The following STK33 variants were observed in gnomAD, a reference collection of about 807,000 sequenced individuals.
STK33 encodes serine/threonine kinase 33, also known as serine/threonine-protein kinase 33.
A neutral mutation model predicts 58.0 loss-of-function variants in STK33; 52 were observed. The observed-to-expected ratio is 0.90, with a 90% CI of 0.72 to 1.13. The LOEUF is 1.13. Among genes scored for constraint, STK33 ranks in the 50% most tolerant of loss-of-function variants. The probability of loss-of-function intolerance (pLI) is 0.00; values close to 1 mark genes in which losing one functional copy is unlikely to be tolerated. For synonymous variants in STK33, 215 were observed against 200.1 expected, an observed-to-expected ratio of 1.07 and a Z score of -0.63; for missense variants, 630 against 604.2, an observed-to-expected ratio of 1.04 and a Z score of -0.45.
intron 1 of STK33, among the ~76,000 whole-genome samples, chr11:8,560,528 C>A (rs1460841040): frequency 6.6e-6 from 1 of 152,048 alleles, no homozygotes; most frequent in African/African-American, 2.4e-5. Flanking sequence ...TGATTCTTAT[C>A]ATGGTGATTT....
chr11:8,591,889 T>C (rs980301478), intron 1 of STK33, among the ~76,000 whole-genome samples: 1 of 151,782 alleles, frequency 6.6e-6, no homozygotes, highest in Non-Finnish European at 1.5e-5. Context: ...TAATGCTAAA[T>C]GACGAGTTAA....
intron 1 of STK33, among the ~76,000 whole-genome samples, chr11:8,574,199 C>A (rs1565398613): frequency 2.0e-5 from 3 of 152,256 alleles, no homozygotes; most frequent in South Asian, 4.1e-4. Context: ...TACACGCATA[C>A]ACAAATGAGT....
chr11:8,565,053 C>T (rs984186957), intron 1 of STK33, among the ~76,000 whole-genome samples: 4 of 152,098 alleles, frequency 2.6e-5, no homozygotes, highest in Non-Finnish European at 4.4e-5. Context: ...CCTATTATGA[C>T]TCTAGAAAGC....
chr11:8,444,818 A>G (rs1242855204), intron 11 of STK33, among the ~76,000 whole-genome samples: 1 of 152,180 alleles, frequency 6.6e-6, no homozygotes, highest in Admixed American at 6.5e-5. Flanking sequence ...GCAGAACCAA[A>G]AAATTTAAGA....
chr11:8,423,691 T>C (rs1412234785), intron 14 of STK33, among the ~76,000 whole-genome samples: 2 of 152,088 alleles, frequency 1.3e-5, no homozygotes, highest in Non-Finnish European at 2.9e-5. Flanking sequence ...CATTCTCTAA[T>C]TAGAGAACTG....
At chr11:8,510,201 C>A (rs1374856343) in intron 1 of STK33, among the ~76,000 whole-genome samples, 1 of 152,012 alleles carries the variant, frequency 6.6e-6, no homozygotes, top group Non-Finnish European at 1.5e-5. Flanking sequence ...GGCATTCTTG[C>A]AGGAGTAAGG....
chr11:8,398,080 G>C (rs1164805234), intron 15 of STK33, among the ~76,000 whole-genome samples: 1 of 152,130 alleles, frequency 6.6e-6, no homozygotes, highest in Non-Finnish European at 1.5e-5. Flanking sequence ...AGCAAGGCAG[G>C]CCAACATTCA....
chr11:8,493,249 A>G (rs1382963876), intron 1 of STK33, among the ~76,000 whole-genome samples: 1 of 152,192 alleles, frequency 6.6e-6, no homozygotes, highest in Non-Finnish European at 1.5e-5. Context: ...GACACAATAA[A>G]GATGATAAAG....
At chr11:8,520,273 G>A (rs924770581) in intron 1 of STK33, among the ~76,000 whole-genome samples, 2 of 152,080 alleles carry the variant, frequency 1.3e-5, no homozygotes, top group Admixed American at 1.3e-4. Flanking sequence ...TGCAGAAAAG[G>A]CCTTTGACAA....
intron 6 of STK33, among the ~76,000 whole-genome samples, chr11:8,471,063 T>C (rs1948730381): frequency 1.3e-5 from 2 of 152,198 alleles, no homozygotes; most frequent in South Asian, 4.1e-4. Flanking sequence ...AATCAAAGCA[T>C]GATATGATGA....
chr11:8,443,357 A>G (rs577569402), intron 11 of STK33, among the ~76,000 whole-genome samples: 1 of 152,332 alleles, frequency 6.6e-6, no homozygotes, highest in South Asian at 2.1e-4. Context: ...TCATGTGTTC[A>G]GTCACAAAGA....
chr11:8,459,394 T>C (rs915282062), intron 8 of STK33, among the ~76,000 whole-genome samples: 1 of 152,068 alleles, frequency 6.6e-6, no homozygotes, highest in Non-Finnish European at 1.5e-5. Flanking sequence ...AAGCAATACA[T>C]TGGAAAAATC....
chr11:8,555,717 T>C (rs1956697750), intron 1 of STK33, among the ~76,000 whole-genome samples: 2 of 151,944 alleles, frequency 1.3e-5, no homozygotes, highest in Admixed American at 1.3e-4. Context: ...ATTTTAATTA[T>C]CTTACCACAA....
At position 8,423,471 on chromosome 11, in the gene STK33, T is replaced by C. The variant is rs572859420; in HGVS notation, c.1147-9779A>G. Among the ~76,000 whole-genome samples, 25 of 152,232 alleles carry C rather than the reference T, an allele frequency of 1.6e-4. 1 individual carries two copies. The East Asian group carries it at 3.5e-3, about 21-fold the overall frequency. ...TTCTAGGAATTTAAATTTTTTCTTA[T>C]TGGGGTTTATTCTTTAACTTATGAG... is the stretch of plus-strand genomic sequence containing the variant. On this transcript the variant is annotated intron_variant, in intron 14 of 15. Transcript: ENST00000687296.
chr11:8,404,188 G>T (rs73402076), intron 15 of STK33, among the ~76,000 whole-genome samples: 19,711 of 152,180 alleles, frequency 0.13, 1,614 homozygotes, highest in African/African-American at 0.22. Flanking sequence ...GACTTCTAAG[G>T]TTACTTGCAT....
chr11:8,494,553 T>C (rs1441355148), intron 1 of STK33, among the ~76,000 whole-genome samples: 3 of 152,188 alleles, frequency 2.0e-5, no homozygotes, highest in African/African-American at 7.2e-5. Context: ...GCCATCCCCA[T>C]GAAGCTACCA....
chr11:8,518,388 A>G (rs1953026412), intron 1 of STK33, among the ~76,000 whole-genome samples: 1 of 152,218 alleles, frequency 6.6e-6, no homozygotes, highest in Non-Finnish European at 1.5e-5. Context: ...TGCAAAAAAC[A>G]TGCCAAATTG....
intron 1 of STK33, among the ~76,000 whole-genome samples, chr11:8,578,065 C>T (rs1343036129): frequency 6.6e-6 from 1 of 152,040 alleles, no homozygotes; most frequent in East Asian, 1.9e-4. Flanking sequence ...GTCAACTATG[C>T]CATAATCTTC....
intron 1 of STK33, among the ~76,000 whole-genome samples, chr11:8,523,679 G>T (rs1471862619): frequency 1.3e-5 from 2 of 149,390 alleles, no homozygotes; most frequent in East Asian, 4.0e-4. Context: ...CCCCCGCCAG[G>T]CAGCCGCCAC....
Sources: gnomAD v4.1 joint callset for allele counts (sites outside exome capture counted in the v4.1 genomes callset) on GRCh38, gnomAD v4.1.1 for gene constraint, MANE v1.5 for transcripts, NCBI Gene and HGNC (gene_info 2026-07-23, HGNC 2026-07-21) for gene names.